ZNF704: variants seen among roughly 807,000 people sequenced by gnomAD.
ZNF704 encodes the protein glucocorticoid induced gene 1.
A neutral mutation model predicts 44.7 loss-of-function variants in ZNF704; 10 were observed. The ratio of observed to expected loss-of-function variants is 0.22; its 90% CI spans 0.14 to 0.38. The LOEUF (loss-of-function observed/expected upper bound fraction) is 0.38. ZNF704 is among the 10% of genes least tolerant of loss of function. The pLI, the probability that ZNF704 is intolerant of heterozygous loss-of-function variation, is 1.00. For missense variants in ZNF704, 390 were observed against 545.5 expected (o/e 0.71, Z 2.84); for synonymous variants, 211 against 207.6 (o/e 1.02, Z -0.14).
chr8:80,830,039 A>G (rs949468870), intron 1 of ZNF704, among the ~76,000 whole-genome samples: 1 of 152,180 alleles, frequency 6.6e-6, no homozygotes, highest in Non-Finnish European at 1.5e-5. Context: ...GTTCTTTTTA[A>G]TGTCTTTTAT....
chr8:80,717,909 T>C lies in ZNF704; in HGVS notation c.222-24802A>G, dbSNP rs1420253449. Among the ~76,000 whole-genome samples the C allele has an allele frequency of 2.0e-5, 3 of 152,172 alleles. No individual in the cohort carries two copies. The East Asian group carries it at 5.8e-4, about 29-fold the overall frequency. ...CTAATTCCCATCTAGAACTGTCTCC[T>C]TCTCTCTCACATATTTACAGAGCTG... On this transcript the variant is annotated intron_variant, in intron 2 of 8. Coordinates refer to ENST00000327835, the MANE Select transcript of ZNF704 (RefSeq NM_001033723.3).
intron 7 of ZNF704, among the ~76,000 whole-genome samples, chr8:80,656,244 C>T (rs1159277647): frequency 7.9e-5 from 12 of 152,144 alleles, no homozygotes. Flanking sequence ...CAGCCATCTA[C>T]AAGCAGGAAG....
intron 1 of ZNF704, among the ~76,000 whole-genome samples, chr8:80,839,716 C>T (rs16908080): frequency 0.21 from 31,694 of 152,068 alleles, 4,532 homozygotes; most frequent in African/African-American, 0.41. Flanking sequence ...TGCGTTAACC[C>T]CTGATAGATG....
At chr8:80,706,540 C>T (rs1233540937) in intron 2 of ZNF704, among the ~76,000 whole-genome samples, 1 of 152,230 alleles carries the variant, frequency 6.6e-6, no homozygotes, top group Non-Finnish European at 1.5e-5. Flanking sequence ...CTAACAGAGC[C>T]ACCCATATTG....
chr8:80,711,841 A>G (rs1056936680), intron 2 of ZNF704, among the ~76,000 whole-genome samples: 1 of 152,254 alleles, frequency 6.6e-6, no homozygotes, highest in Non-Finnish European at 1.5e-5. Context: ...GAAGCAGTGA[A>G]GGTAATGGCT....
rs1189909688 is a variant in ZNF704 at position 80,634,545 on chromosome 8, T to A, written c.*6821A>T. 6.6e-6 allele frequency: 1 copy of A among 152,048 alleles called. No individual in the cohort carries two copies. Among genetic ancestry groups the A allele is most frequent in the East Asian group, 1.9e-4 (1 of 5,180 alleles). The allele number at this position is 152,048 out of a possible 1,614,324, so 9.4% of individuals were successfully genotyped here. ...TGGTCTGCACAGTGTTGGCCAAGAGTTTGAGTTAGTTGTCAACACTTACGT... is the reference window on the plus strand; with the variant it reads ...TGGTCTGCACAGTGTTGGCCAAGAGATTGAGTTAGTTGTCAACACTTACGT... On this transcript the variant is annotated 3_prime_UTR_variant, in exon 9 of 9. Coordinates refer to ENST00000327835, the MANE Select transcript of ZNF704 (RefSeq NM_001033723.3).
intron 1 of ZNF704, among the ~76,000 whole-genome samples, chr8:80,840,813 T>G (rs2129963270): frequency 6.6e-6 from 1 of 152,350 alleles, no homozygotes; most frequent in East Asian, 1.9e-4. Context: ...TAATAAACAC[T>G]TTTCAATTTC....
intron 2 of ZNF704, among the ~76,000 whole-genome samples, chr8:80,712,823 C>G (rs1441023852): frequency 1.3e-5 from 2 of 151,720 alleles, no homozygotes; most frequent in Non-Finnish European, 2.9e-5. Context: ...AAGAAATTAG[C>G]TCTTTAATCC....
intron 2 of ZNF704, among the ~76,000 whole-genome samples, chr8:80,725,792 G>A (rs193153343): frequency 6.6e-6 from 1 of 152,262 alleles, no homozygotes; most frequent in Admixed American, 6.5e-5. Context: ...AAACACATCT[G>A]GAGCCATACA....
intron 2 of ZNF704, among the ~76,000 whole-genome samples, chr8:80,791,878 G>T (rs1807714180): frequency 6.6e-6 from 1 of 152,232 alleles, no homozygotes; most frequent in South Asian, 2.1e-4. Flanking sequence ...GTAGGTGGCT[G>T]GAAGAATGGG....
At chr8:80,883,606 C>G in the ZNF704 span, among the ~76,000 whole-genome samples, 1,984 of 152,200 alleles carry the variant, frequency 0.013, 42 homozygotes, top group African/African-American at 0.045. Flanking sequence ...TCAAACCTTC[C>G]AAGGGTCATT....
At chr8:80,817,705 T>C (rs950912799) in intron 2 of ZNF704, among the ~76,000 whole-genome samples, 3 of 152,198 alleles carry the variant, frequency 2.0e-5, no homozygotes, top group Admixed American at 6.5e-5. Context: ...AACAGGGAGT[T>C]TGTATTGATA....
At chr8:80,841,759 A>C (rs760476383) in intron 1 of ZNF704, among the ~76,000 whole-genome samples, 1 of 152,128 alleles carries the variant, frequency 6.6e-6, no homozygotes, top group Non-Finnish European at 1.5e-5. Flanking sequence ...AATGCCAGAA[A>C]TTCTATCAAT....
chr8:80,637,691 C>T lies in ZNF704; in HGVS notation c.*3675G>A, dbSNP rs775537974. On this transcript the variant is annotated 3_prime_UTR_variant, in exon 9 of 9. Transcript: ENST00000327835. The stretch of plus-strand genomic sequence containing the variant: ...TTTTCATCTGCAATATGGTTATGTT[C>T]GGGCAGGAATTGTCTAATAAAAGGG... 2 of 152,054 alleles carry T rather than the reference C, an allele frequency of 1.3e-5. No homozygotes were observed. Among genetic ancestry groups the T allele is most frequent in the Non-Finnish European group, 1.5e-5 (1 of 67,984 alleles). The allele number at this position is 152,054 out of a possible 1,614,324, so 9.4% of individuals were successfully genotyped here. A position where few individuals can be genotyped will look rare whatever the true frequency, so the allele number is the denominator to read the frequency against.
chr8:80,754,679 T>G (rs1807005289), intron 2 of ZNF704, among the ~76,000 whole-genome samples: 1 of 152,174 alleles, frequency 6.6e-6, no homozygotes, highest in East Asian at 1.9e-4. Context: ...GCCTCCTCCT[T>G]CCAGGCCTAG....
intron 5 of ZNF704, among the ~76,000 whole-genome samples, chr8:80,669,276 G>A (rs1209486466): frequency 2.0e-5 from 3 of 152,186 alleles, no homozygotes; most frequent in South Asian, 2.1e-4. Flanking sequence ...TTGTCTTGAC[G>A]ATGAGATTTC....
intron 2 of ZNF704, among the ~76,000 whole-genome samples, chr8:80,729,743 T>G (rs752722011): frequency 2.6e-5 from 4 of 152,220 alleles, no homozygotes; most frequent in Non-Finnish European, 4.4e-5. Flanking sequence ...TGAGCTGTAG[T>G]GCTGATCAGA....
chr8:80,822,274 C>A (rs531082420), intron 1 of ZNF704, among the ~76,000 whole-genome samples: 7,828 of 123,482 alleles, frequency 0.063, 233 homozygotes, highest in Non-Finnish European at 0.077. Flanking sequence ...TTCCCCCCCG[C>A]CCCCAACCCA....
At chr8:80,647,164 C>T (rs977368849) in intron 7 of ZNF704, among the ~76,000 whole-genome samples, 6 of 152,146 alleles carry the variant, frequency 3.9e-5, no homozygotes, top group Non-Finnish European at 5.9e-5. Flanking sequence ...AGAAGACAGA[C>T]AATAAATACG....
Sources: gnomAD v4.1 joint callset for allele counts (sites outside exome capture counted in the v4.1 genomes callset) on GRCh38, gnomAD v4.1.1 for gene constraint, MANE v1.5 for transcripts, NCBI Gene and HGNC (gene_info 2026-07-23, HGNC 2026-07-21) for gene names.